Variants in GBP3 observed in about 807,000 individuals in gnomAD.
The protein encoded by GBP3 is guanylate binding protein 3.
GBP3 carries 55 observed loss-of-function variants against 62.4 expected under a neutral mutation model. The ratio of observed to expected loss-of-function variants is 0.88; its 90% CI spans 0.71 to 1.10. The LOEUF is 1.10. Among genes scored for constraint, GBP3 ranks in the 50% least tolerant of loss-of-function variants. The pLI is 0.00. For synonymous variants in GBP3, 208 were observed against 259.2 expected (o/e 0.80, Z 1.90); for missense variants, 605 against 690.6 (o/e 0.88, Z 1.39).
intron 1 of GBP3, among the ~76,000 whole-genome samples, chr1:89,021,508 GCGCA>G (rs1304493583): frequency 6.7e-4 from 36 of 53,524 alleles, no homozygotes; most frequent in Middle Eastern, 0.01. Flanking sequence ...ATGCGCGCGC[GCGCA>G]CACACACACA....
At position 89,012,943 on chromosome 1, in the gene GBP3, T is replaced by A. The variant is rs190443373; in HGVS notation, c.868+242A>T. Among the ~76,000 whole-genome samples the A allele has an allele frequency of 1.3e-3, 201 of 150,768 alleles. 3 individuals are homozygous for A. The highest frequency in any genetic ancestry group is 4.2e-3 in the African/African-American group (172 of 41,418). On this transcript the variant is annotated intron_variant, in intron 6 of 10. Coordinates refer to ENST00000370481, the MANE Select transcript of GBP3 (RefSeq NM_018284.3). ...ACCTCTGCCTCCCAGGTTCAAGCAA[T>A]TCTCCTGCCTCAGCCTCCCAAGTAG...
intron 7 of GBP3, 66 bp from the exon 8 acceptor site, chr1:89,011,182 T>C: frequency 1.4e-6 from 2 of 1,452,582 alleles, no homozygotes; most frequent in Admixed American, 1.8e-5. Context: ...CCTCAGAATT[T>C]TGGGAAAGAC....
Position 89,020,411 on chromosome 1 carries a change from A to G in GBP3, c.190+121T>C, listed in dbSNP as rs527810001. ...TAGAAGAGTGAAGATAAGGAGCCCA[A>G]CTGTGAATGGAAAGTTAGCTTATTC... is the stretch of plus-strand genomic sequence containing the variant. On this transcript the variant is annotated intron_variant, in intron 2 of 10. Coordinates refer to ENST00000370481, the MANE Select transcript of GBP3 (RefSeq NM_018284.3). 3.5e-6 allele frequency: 4 copies of G among 1,157,096 alleles called. No homozygotes were observed. The African/African-American group carries it at 4.6e-5, about 13-fold the overall frequency. 71.7% of individuals were successfully genotyped at this position (1,157,096 alleles called of 1,614,324 possible). A position where few individuals can be genotyped will look rare whatever the true frequency, so the allele number is the denominator to read the frequency against.
chr1:89,007,971 A>T, intron 10 of GBP3, 119 bp from the exon 11 acceptor site: 3 of 873,140 alleles, frequency 3.4e-6, no homozygotes, highest in Non-Finnish European at 5.0e-6. Flanking sequence ...AATTTTCTCT[A>T]CCCTTGATTT....
chr1:89,018,983 A>G (rs1679034137), intron 2 of GBP3, among the ~76,000 whole-genome samples: 1 of 152,242 alleles, frequency 6.6e-6, no homozygotes, highest in East Asian at 1.9e-4. Context: ...GTGAATATGA[A>G]GAGAAATTAG....
At chr1:89,020,774 T>C in intron 1 of GBP3, 31 bp from the exon 2 acceptor site, 2 of 1,571,118 alleles carry the variant, frequency 1.3e-6, no homozygotes, top group Non-Finnish European at 1.7e-6. Context: ...TGAATTAGAA[T>C]TTCCAGTCTT....
intron 8 of GBP3, among the ~76,000 whole-genome samples, chr1:89,010,623 G>T (rs1341216309): frequency 2.9e-5 from 4 of 138,026 alleles, no homozygotes; most frequent in African/African-American, 9.9e-5. Context: ...TGTTGCTCAG[G>T]CTGGTCTTAA....
Position 89,020,729 on chromosome 1 carries a change from G to T in GBP3, c.-8C>A. The T allele has an allele frequency of 6.2e-7, 1 of 1,612,218 alleles. No individual in the cohort carries two copies. Among genetic ancestry groups the T allele is most frequent in the Non-Finnish European group, 8.5e-7 (1 of 1,178,474 alleles). ...GTGGATCTCTGGAGCCATGTCCAGG[G>T]CATTGTTCTCTTGTCTGCAAGGGAA... On this transcript the variant is annotated 5_prime_UTR_variant, in exon 2 of 11. Coordinates refer to ENST00000370481, the MANE Select transcript of GBP3 (RefSeq NM_018284.3).
At position 89,014,286 on chromosome 1, in the gene GBP3, A is replaced by G. The variant is rs1487251946; in HGVS notation, c.429-7T>C. On this transcript the variant is annotated splice_polypyrimidine_tract_variant and splice_region_variant and intron_variant, in intron 4 of 10. Coordinates refer to ENST00000370481, the MANE Select transcript of GBP3 (RefSeq NM_018284.3). ...TGTCAGCTCTGTCACATAGCTGAGT[A>G]GCTAACTAAGGAAATGTGACAAAAT... The G allele has an allele frequency of 6.2e-7, 1 of 1,614,134 alleles. No homozygotes were observed. The highest frequency in any genetic ancestry group is 8.5e-7 in the Non-Finnish European group (1 of 1,179,946).
chr1:89,007,281 G>A lies in GBP3; in HGVS notation c.*443C>T, dbSNP rs1298922844. 1 of 153,012 alleles carries A rather than the reference G, an allele frequency of 6.5e-6. No homozygotes were observed. The highest frequency in any genetic ancestry group is 1.5e-5 in the Non-Finnish European group (1 of 68,628). 9.5% of individuals were successfully genotyped at this position (153,012 alleles called of 1,614,324 possible). A position where few individuals can be genotyped will look rare whatever the true frequency, so the allele number is the denominator to read the frequency against. On this transcript the variant is annotated 3_prime_UTR_variant, in exon 11 of 11. Coordinates refer to ENST00000370481, the MANE Select transcript of GBP3 (RefSeq NM_018284.3). ...TCAGTGAGAATTATCCATGGGCAAT[G>A]TCCAGAAATCACATTATTGCTCATA...
chr1:89,013,631 G>A, intron 5 of GBP3: 1 of 578,994 alleles, frequency 1.7e-6, no homozygotes, highest in Non-Finnish European at 3.0e-6. Flanking sequence ...AAGACAGCTG[G>A]CAGGCAGAAT....
intron 2 of GBP3, among the ~76,000 whole-genome samples, chr1:89,016,243 C>T (rs770429151): frequency 2.0e-5 from 3 of 152,212 alleles, no homozygotes; most frequent in Admixed American, 2.0e-4. Context: ...CACAGTGGCT[C>T]ACGCCTGTAA....
intron 2 of GBP3, 46 bp downstream of exon 2, chr1:89,020,486 T>C: frequency 6.2e-7 from 1 of 1,606,388 alleles, no homozygotes; most frequent in Non-Finnish European, 8.5e-7. Context: ...GCTGACTGTG[T>C]TGGGGGACAG....
At chr1:89,019,704 A>T (rs1321110172) in intron 2 of GBP3, among the ~76,000 whole-genome samples, 1 of 152,234 alleles carries the variant, frequency 6.6e-6, no homozygotes, top group Non-Finnish European at 1.5e-5. Context: ...TTCCTAGAGT[A>T]GTCAAATTAA....
intron 2 of GBP3, among the ~76,000 whole-genome samples, chr1:89,018,814 GC>G (rs1679020863): frequency 6.6e-6 from 1 of 152,126 alleles, no homozygotes. Context: ...TGCATTGGCA[GC>G]ACCACGGGAC....
At chr1:89,018,440 T>G (rs1221377447) in intron 2 of GBP3, among the ~76,000 whole-genome samples, 1 of 152,188 alleles carries the variant, frequency 6.6e-6, no homozygotes, top group Non-Finnish European at 1.5e-5. Flanking sequence ...CTAGGCCTCT[T>G]TAGGGTTAAG....
At chr1:89,018,832 G>T (rs1001078426) in intron 2 of GBP3, among the ~76,000 whole-genome samples, 3 of 152,108 alleles carry the variant, frequency 2.0e-5, no homozygotes, top group African/African-American at 7.2e-5. Context: ...GGACCAGAAG[G>T]CTGTGACCCC....
rs1570897430 is a variant in GBP3, at chr1:89,014,431, T to C, written c.428+116A>G. On this transcript the variant is annotated intron_variant, in intron 4 of 10. Coordinates refer to ENST00000370481, the MANE Select transcript of GBP3 (RefSeq NM_018284.3). ...TGGGATCTCTCCTCTGTACTTGCAT[T>C]ATTTTTTGTTTTCTCCTTTTGAGCT... is the stretch of plus-strand genomic sequence containing the variant. 1.9e-6 allele frequency: 3 copies of C among 1,603,560 alleles called. No individual in the cohort carries two copies. The Admixed American group carries it at 5.2e-5, about 28-fold the overall frequency.
At position 89,008,960 on chromosome 1, in the gene GBP3, G is replaced by C; in HGVS notation, c.1646C>G (p.Thr549Ser). Residue 549 changes from threonine to serine, a missense_variant, in exon 10 of 11, where the codon ACT becomes AGT. This residue lies in a region of GBP3 where 160 missense variants were observed against 147.8 expected (regional missense o/e 1.08). Transcript: ENST00000370481. ...GCATTTGGATACCTGAAGTTTACTA[G>C]TGAGGGTCTTCTCTTGCTCTTCCAG... is the stretch of plus-strand genomic sequence containing the variant. ...QLLEEQEKTL[T>S]SKLQEQARVL... The C allele has an allele frequency of 6.2e-7, 1 of 1,614,104 alleles. No homozygotes were observed. The highest frequency in any genetic ancestry group is 8.5e-7 in the Non-Finnish European group (1 of 1,179,952).
Sources: allele counts gnomAD v4.1 joint callset (sites outside exome capture counted in the v4.1 genomes callset), GRCh38; gene constraint gnomAD v4.1.1; regional missense constraint gnomAD v4.1.1; transcripts MANE v1.5; gene names NCBI Gene and HGNC (gene_info 2026-07-23, HGNC 2026-07-21).